PTBP3: variants seen among roughly 807,000 people sequenced by gnomAD.
PTBP3 encodes the protein polypyrimidine tract binding protein 3.
A neutral mutation model predicts 58.7 loss-of-function variants in PTBP3; 20 were observed. The ratio of observed to expected loss-of-function variants is 0.34; its 90% CI spans 0.24 to 0.50. PTBP3 has a LOEUF of 0.50. Ranked by LOEUF, PTBP3 falls within the 20% of genes least tolerant of loss-of-function variation. PTBP3 has a pLI of 0.98. For synonymous variants in PTBP3, 185 were observed against 219.8 expected, an observed-to-expected ratio of 0.84 and a Z score of 1.40; for missense variants, 509 against 637.2, an observed-to-expected ratio of 0.80 and a Z score of 2.17.
chr9:112,227,214 A>G (rs551074387), intron 12 of PTBP3, among the ~76,000 whole-genome samples, 197 bp downstream of exon 12: 15 of 152,310 alleles, frequency 9.8e-5, no homozygotes, highest in East Asian at 7.7e-4. Flanking sequence ...AAATTTTAAA[A>G]CAGGTATCTT....
intron 1 of PTBP3, among the ~76,000 whole-genome samples, chr9:112,307,046 T>A (rs1415548775): frequency 6.6e-6 from 1 of 152,220 alleles, no homozygotes; most frequent in East Asian, 1.9e-4. Flanking sequence ...AAGAGCTTTT[T>A]GAAAAGAATA....
At chr9:112,359,170 G>A in the PTBP3 span, among the ~76,000 whole-genome samples, 11 of 152,070 alleles carry the variant, frequency 7.2e-5, no homozygotes, top group Non-Finnish European at 1.5e-4. Context: ...GGCTGGGCGC[G>A]GTGGCTCATG....
intron 2 of PTBP3, among the ~76,000 whole-genome samples, chr9:112,277,946 TATAACATAAC>T (rs146999681): frequency 0.15 from 8,187 of 56,366 alleles, 441 homozygotes; most frequent in Non-Finnish European, 0.19. Flanking sequence ...CATAACATAA[TATAACATAAC>T]ATAACATAAC....
chr9:112,235,241 T>TA (rs370123343), intron 7 of PTBP3, among the ~76,000 whole-genome samples: 17 of 151,450 alleles, frequency 1.1e-4, no homozygotes, highest in Admixed American at 2.6e-4. Context: ...TATGCTGATT[T>TA]AAAAAAAAAT....
In PTBP3 at chr9:112,233,275, GTGTGTGTGTGTGT is replaced by G. The variant is rs1564393113; in HGVS notation, c.881-1050_881-1038del. On this transcript the variant is annotated intron_variant, in intron 8 of 13. Coordinates refer to ENST00000374257, the MANE Select transcript of PTBP3 (RefSeq NM_001163788.4). ...GCACAGTTGAGCTACACTGTAGGGT[GTGTGTGTGTGTGT>G]GTGTGTGTGTGTGTGTGTGTGTGTG... 1.4e-3 allele frequency among the ~76,000 whole-genome samples: 7 copies of G among 4,976 alleles called. No individual in the cohort carries two copies. The South Asian group carries it at 0.048, about 34-fold the overall frequency. The allele number at this position is 4,976 out of a possible 152,430, so 3.3% of individuals were successfully genotyped here.
intron 7 of PTBP3, among the ~76,000 whole-genome samples, chr9:112,247,419 A>G (rs1221296420): frequency 3.3e-5 from 5 of 151,928 alleles, no homozygotes; most frequent in Non-Finnish European, 7.4e-5. Flanking sequence ...TTTACCAGAA[A>G]AGGTTCTGTC....
Position 112,306,592 on chromosome 9 carries a change from A to G in PTBP3, c.-51-8676T>C, listed in dbSNP as rs554720592. On this transcript the variant is annotated intron_variant, in intron 1 of 13. Coordinates refer to ENST00000374257, the MANE Select transcript of PTBP3 (RefSeq NM_001163788.4). ...AGAAAATTAATTTAAATTTGTATAT[A>G]TATATATATATATTTTTGTTTGTTT... 1.1e-4 allele frequency among the ~76,000 whole-genome samples: 11 copies of G among 103,680 alleles called. 1 individual carries two copies. In the South Asian group the frequency reaches 3.5e-3, roughly 33 times the overall value. The allele number at this position is 103,680 out of a possible 152,430, so 68.0% of individuals were successfully genotyped here. A position where few individuals can be genotyped will look rare whatever the true frequency, so the allele number is the denominator to read the frequency against.
intron 2 of PTBP3, among the ~76,000 whole-genome samples, chr9:112,286,916 C>G (rs1228999703): frequency 6.6e-6 from 1 of 152,042 alleles, no homozygotes; most frequent in Admixed American, 6.6e-5. Context: ...TTCCAGCACT[C>G]TAATGATGCT....
In PTBP3 at chr9:112,221,511, T is replaced by C. The variant is rs1207675195; in HGVS notation, c.*2340A>G. On this transcript the variant is annotated 3_prime_UTR_variant, in exon 14 of 14. Coordinates refer to ENST00000374257, the MANE Select transcript of PTBP3 (RefSeq NM_001163788.4). ...GTAAATGAAATAATCCAATTTAACA[T>C]GGCACTGAAAATTATAATAGTGCCT... 40 of 985,562 alleles carry C rather than the reference T, an allele frequency of 4.1e-5. No homozygotes were observed. The highest frequency in any genetic ancestry group is 4.5e-5 in the Non-Finnish European group (37 of 829,728). The allele number at this position is 985,562 out of a possible 1,614,324, so 61.1% of individuals were successfully genotyped here.
the PTBP3 span, among the ~76,000 whole-genome samples, chr9:112,350,580 C>T: frequency 8.6e-5 from 13 of 151,816 alleles, no homozygotes; most frequent in African/African-American, 2.7e-4. Context: ...ACAAAATTTC[C>T]GGGGAAGATG....
At chr9:112,224,381 C>T (rs190587074) in intron 12 of PTBP3, among the ~76,000 whole-genome samples, 171 bp from the exon 13 acceptor site, 1 of 152,194 alleles carries the variant, frequency 6.6e-6, no homozygotes, top group African/African-American at 2.4e-5. Flanking sequence ...TGACATGTAT[C>T]GTCAAGCAAT....
At chr9:112,298,319 GA>G (rs1307745244) in intron 1 of PTBP3, among the ~76,000 whole-genome samples, 3 of 152,024 alleles carry the variant, frequency 2.0e-5, no homozygotes, top group Non-Finnish European at 4.4e-5. Flanking sequence ...TTTTTAAGTA[GA>G]AAATATACTT....
At position 112,321,779 on chromosome 9, in the gene PTBP3, T is replaced by C. The variant is rs377105704; in HGVS notation, c.-52+11691A>G. 2.9e-4 allele frequency among the ~76,000 whole-genome samples: 44 copies of C among 152,070 alleles called. No individual in the cohort carries two copies. In the East Asian group the frequency reaches 4.8e-3, roughly 17 times the overall value. ...GAACTAACATACAAGTAAGAAACCC[T>C]CAGAGCCTGTAGTCCTAAGGGGCCC... On this transcript the variant is annotated intron_variant, in intron 1 of 13. Coordinates refer to ENST00000374257, the MANE Select transcript of PTBP3 (RefSeq NM_001163788.4).
chr9:112,285,793 T>C (rs941371992), intron 2 of PTBP3, among the ~76,000 whole-genome samples: 1 of 152,314 alleles, frequency 6.6e-6, no homozygotes, highest in East Asian at 1.9e-4. Flanking sequence ...TCATGGGAAA[T>C]TTGAAAGTGG....
At position 112,220,175 on chromosome 9, in the gene PTBP3, AT is replaced by A. The variant is rs761818591; in HGVS notation, c.*3675del. 2 of 1,335,154 alleles carry A rather than the reference AT, an allele frequency of 1.5e-6. No individual in the cohort carries two copies. Among genetic ancestry groups the A allele is most frequent in the South Asian group, 1.2e-5 (1 of 84,762 alleles). 82.7% of individuals were successfully genotyped at this position (1,335,154 alleles called of 1,614,324 possible). A position where few individuals can be genotyped will look rare whatever the true frequency, so the allele number is the denominator to read the frequency against. On this transcript the variant is annotated 3_prime_UTR_variant, in exon 14 of 14. Coordinates refer to ENST00000374257, the MANE Select transcript of PTBP3 (RefSeq NM_001163788.4). Reference sequence around the variant, plus strand: ...GGGAAAAACACATGTACTTTTGTCAATTTTTTGTCCAAAAATATCTCGTGGG... The same window carrying A: ...GGGAAAAACACATGTACTTTTGTCAATTTTTGTCCAAAAATATCTCGTGGG...
At chr9:112,330,703 A>C (rs1409983881) in intron 1 of PTBP3, among the ~76,000 whole-genome samples, 2 of 152,234 alleles carry the variant, frequency 1.3e-5, no homozygotes, top group African/African-American at 4.8e-5. Flanking sequence ...AAATCCTGTT[A>C]TCTTTTAGTA....
At chr9:112,224,267 T>C in intron 12 of PTBP3, 57 bp from the exon 13 acceptor site, 1 of 1,071,028 alleles carries the variant, frequency 9.3e-7, no homozygotes, top group Non-Finnish European at 1.3e-6. Context: ...GTGAAGCAGA[T>C]TAACTCTTGC....
chr9:112,332,677 T>C, intron 1 of PTBP3: 1 of 1,386,212 alleles, frequency 7.2e-7, no homozygotes, highest in Admixed American at 2.2e-5. Context: ...AGAGAACAGT[T>C]TATATACATA....
intron 4 of PTBP3, among the ~76,000 whole-genome samples, chr9:112,265,170 G>GA (rs5899996): frequency 0.57 from 86,422 of 151,690 alleles, 26,964 homozygotes; most frequent in African/African-American, 0.85. Context: ...GTTAATTTCT[G>GA]AAAAAAGAGT....
Sources: allele counts gnomAD v4.1 joint callset (sites outside exome capture counted in the v4.1 genomes callset), GRCh38; gene constraint gnomAD v4.1.1; transcripts MANE v1.5; gene names NCBI Gene and HGNC (gene_info 2026-07-23, HGNC 2026-07-21).